Variants in DNAI7 observed in about 807,000 individuals in gnomAD.
DNAI7 encodes cancer susceptibility 1.
A neutral mutation model predicts 86.6 loss-of-function variants in DNAI7; 78 were observed. The observed-to-expected ratio is 0.90, with a 90% CI of 0.75 to 1.09. The LOEUF is 1.09. Among genes scored for constraint, DNAI7 ranks in the 50% least tolerant of loss-of-function variants. The probability of loss-of-function intolerance (pLI) is 0.00; values close to 1 mark genes in which losing one functional copy is unlikely to be tolerated. For synonymous variants in DNAI7, 274 were observed against 273.0 expected, an observed-to-expected ratio of 1.00 and a Z score of -0.04; for missense variants, 753 against 810.2, an observed-to-expected ratio of 0.93 and a Z score of 0.86.
intron 9 of DNAI7, among the ~76,000 whole-genome samples, chr12:25,137,831 C>A (rs548197009): frequency 2.6e-5 from 4 of 152,242 alleles, no homozygotes; most frequent in East Asian, 1.9e-4. Context: ...TCTAGTCCAA[C>A]AGGAAAATAT....
chr12:25,127,719 A>C (rs1396166955), intron 9 of DNAI7, among the ~76,000 whole-genome samples: 1 of 152,200 alleles, frequency 6.6e-6, no homozygotes, highest in African/African-American at 2.4e-5. Context: ...CAACTTGATA[A>C]ATGCACAGAT....
At chr12:25,132,536 T>C (rs1343755494) in intron 9 of DNAI7, among the ~76,000 whole-genome samples, 1 of 140,738 alleles carries the variant, frequency 7.1e-6, no homozygotes, top group Non-Finnish European at 1.5e-5. Flanking sequence ...CTGTTTTTGC[T>C]ACTATAAAAA....
intron 6 of DNAI7, among the ~76,000 whole-genome samples, chr12:25,151,284 A>G (rs190907613): frequency 1.5e-3 from 230 of 152,328 alleles, no homozygotes; most frequent in African/African-American, 5.2e-3. Flanking sequence ...CAGAAAGCCA[A>G]TATTTCCAAA....
intron 6 of DNAI7, among the ~76,000 whole-genome samples, chr12:25,150,643 T>A (rs530345331): frequency 6.7e-6 from 1 of 149,570 alleles, no homozygotes; most frequent in Admixed American, 6.7e-5. Context: ...TGGAACATCA[T>A]ATGGCTTCTG....
intron 13 of DNAI7, 36 bp from the exon 14 acceptor site, chr12:25,111,975 G>A (rs765270807): frequency 2.8e-6 from 4 of 1,407,242 alleles, no homozygotes; most frequent in Non-Finnish European, 2.9e-6. Context: ...TTTTATGTAA[G>A]TTAAATCATT....
intron 2 of DNAI7, among the ~76,000 whole-genome samples, 191 bp downstream of exon 2, chr12:25,190,423 T>C (rs563231608): frequency 9.2e-5 from 14 of 152,208 alleles, no homozygotes; most frequent in African/African-American, 2.2e-4. Context: ...AACTCTCTTA[T>C]GTCAAATTTG....
chr12:25,165,504 C>T lies in DNAI7; in HGVS notation c.22-4307G>A, dbSNP rs185907358. Among the ~76,000 whole-genome samples the T allele has an allele frequency of 3.9e-5, 6 of 152,292 alleles. No homozygotes were observed. In the East Asian group the frequency reaches 9.6e-4, roughly 24 times the overall value. ...AAGCTGTGTCCCATCTGTGCAGGACCCCACTGAAAATTGGACTGTTCAACT... is the reference window on the plus strand; with the variant it reads ...AAGCTGTGTCCCATCTGTGCAGGACTCCACTGAAAATTGGACTGTTCAACT... On this transcript the variant is annotated intron_variant, in intron 2 of 15. Coordinates refer to ENST00000395987, the MANE Select transcript of DNAI7 (RefSeq NM_018272.5).
chr12:25,173,289 G>C (rs1948337718), intron 2 of DNAI7, among the ~76,000 whole-genome samples: 1 of 151,962 alleles, frequency 6.6e-6, no homozygotes, highest in African/African-American at 2.4e-5. Flanking sequence ...GTGGGCTAAG[G>C]ACATGAATAC....
chr12:25,120,617 C>CGG (rs1185818783), intron 11 of DNAI7, among the ~76,000 whole-genome samples: 3 of 151,410 alleles, frequency 2.0e-5, no homozygotes, highest in Non-Finnish European at 4.4e-5. Context: ...TCCCAGCTAC[C>CGG]GGGAGGCTGA....
Position 25,193,829 on chromosome 12 carries a change from CTTTTTTTTTT to C in DNAI7, c.3+1237_3+1246del, listed in dbSNP as rs759395643. Among the ~76,000 whole-genome samples the C allele has an allele frequency of 9.6e-3, 1,447 of 151,014 alleles. 13 individuals are homozygous for C. The highest frequency in any genetic ancestry group is 0.016 in the Non-Finnish European group (1,097 of 67,774). ...CTCCACTCCCTATTTCTTTTTTTCT[CTTTTTTTTTT>C]GAGACGGAGTCTCGCTCTGTCACCC... On this transcript the variant is annotated intron_variant, in intron 1 of 15. Coordinates refer to ENST00000395987, the MANE Select transcript of DNAI7 (RefSeq NM_018272.5).
At chr12:25,154,241 G>T (rs1480065886) in intron 6 of DNAI7, 78 bp downstream of exon 6, 4 of 1,179,588 alleles carry the variant, frequency 3.4e-6, no homozygotes, top group Non-Finnish European at 4.7e-6. Flanking sequence ...CTTGGCAAAT[G>T]ATATATTAAT....
intron 15 of DNAI7, among the ~76,000 whole-genome samples, chr12:25,109,056 C>T (rs1262092829): frequency 6.6e-6 from 1 of 152,014 alleles, no homozygotes; most frequent in Non-Finnish European, 1.5e-5. Flanking sequence ...TTATTGAGTG[C>T]CTATCATGTG....
At chr12:25,158,666 T>C (rs1946495257) in intron 3 of DNAI7, 103 bp from the exon 4 acceptor site, 3 of 1,508,962 alleles carry the variant, frequency 2.0e-6, no homozygotes, top group Non-Finnish European at 2.6e-6. Flanking sequence ...TGGAATCTTT[T>C]ATAGAAGTCA....
rs1232338631 is a variant in DNAI7, at chr12:25,158,224, A to G, written c.198+248T>C. Among the ~76,000 whole-genome samples, 5 of 151,876 alleles carry G rather than the reference A, an allele frequency of 3.3e-5. No homozygotes were observed. The South Asian group carries it at 8.3e-4, about 25-fold the overall frequency. On this transcript the variant is annotated intron_variant, in intron 4 of 15. Coordinates refer to ENST00000395987, the MANE Select transcript of DNAI7 (RefSeq NM_018272.5). ...AGCCTGGGCAACAGAGCGAGACTCC[A>G]TCTCAAGAAAAAAAAAAAAGAAGAT...
At chr12:25,146,399 C>T (rs375439575) in intron 8 of DNAI7, among the ~76,000 whole-genome samples, 3 of 151,892 alleles carry the variant, frequency 2.0e-5, no homozygotes, top group African/African-American at 4.8e-5. Context: ...GAGTTTGAAA[C>T]TAACCTGACC....
intron 9 of DNAI7, among the ~76,000 whole-genome samples, chr12:25,139,175 A>C (rs1162712915): frequency 6.6e-6 from 1 of 152,152 alleles, no homozygotes; most frequent in Non-Finnish European, 1.5e-5. Flanking sequence ...AGAAGCTCTG[A>C]ACAGATCAAT....
intron 2 of DNAI7, among the ~76,000 whole-genome samples, chr12:25,167,802 C>T: frequency 6.6e-6 from 1 of 152,146 alleles, no homozygotes; most frequent in Non-Finnish European, 1.5e-5. Context: ...CTTAAAACAC[C>T]TTTCTCCTTA....
At chr12:25,137,523 A>G (rs758444507) in intron 9 of DNAI7, among the ~76,000 whole-genome samples, 1 of 152,214 alleles carries the variant, frequency 6.6e-6, no homozygotes, top group Non-Finnish European at 1.5e-5. Flanking sequence ...AGCACAATGA[A>G]TAGAATAGTA....
rs1043390159 is a variant in DNAI7 at position 25,145,412 on chromosome 12, G to A, written c.690-735C>T. On this transcript the variant is annotated intron_variant, in intron 8 of 15. Transcript: ENST00000395987. Reference sequence around the variant, plus strand: ...TTCTGCCTGCACTATTCCTTATCTCGTAAAAGACACCACCTAATTCTCTTC... The same window carrying A: ...TTCTGCCTGCACTATTCCTTATCTCATAAAAGACACCACCTAATTCTCTTC... Among the ~76,000 whole-genome samples the A allele has an allele frequency of 2.6e-5, 4 of 152,032 alleles. No individual in the cohort carries two copies. The East Asian group carries it at 5.8e-4, about 22-fold the overall frequency.
Sources: allele counts gnomAD v4.1 joint callset (sites outside exome capture counted in the v4.1 genomes callset), GRCh38; gene constraint gnomAD v4.1.1; transcripts MANE v1.5; gene names NCBI Gene and HGNC (gene_info 2026-07-23, HGNC 2026-07-21).